The following GLIS3 variants were observed in gnomAD, a reference collection of about 807,000 sequenced individuals.
GLIS3 encodes the protein zinc finger protein GLIS3.
In GLIS3, 53 loss-of-function variants were observed where a neutral mutation model predicts 78.6. The ratio of observed to expected loss-of-function variants is 0.67; its 90% CI spans 0.54 to 0.85. GLIS3 has a LOEUF of 0.85. Ranked by LOEUF, GLIS3 falls within the 40% of genes least tolerant of loss-of-function variation. The pLI is 0.00. For synonymous variants in GLIS3, 684 were observed against 509.9 expected (o/e 1.34, Z -4.60); for missense variants, 1,703 against 1,231.1 (o/e 1.38, Z -5.74).
intron 2 of GLIS3, among the ~76,000 whole-genome samples, chr9:4,238,081 G>T (rs1014230671): frequency 2.0e-5 from 3 of 152,176 alleles, no homozygotes; most frequent in African/African-American, 7.2e-5. Context: ...TTCTATACCA[G>T]TGAGCACAAA....
rs550369483 is a variant in GLIS3, at chr9:3,934,438, C to T, written c.1873-1968G>A. ...TTTTTTTTTTTTTTTGAGATGGAGT[C>T]GCAATCTGTTGTCCAGGCTGGAGTG... On this transcript the variant is annotated intron_variant, in intron 5 of 10. Transcript: ENST00000381971. Among the ~76,000 whole-genome samples, 7 of 142,024 alleles carry T rather than the reference C, an allele frequency of 4.9e-5. No homozygotes were observed. The South Asian group carries it at 8.7e-4, about 18-fold the overall frequency. 93.2% of individuals were successfully genotyped at this position (142,024 alleles called of 152,430 possible).
chr9:4,066,040 A>T (rs1441578497), intron 4 of GLIS3, among the ~76,000 whole-genome samples: 14 of 64,624 alleles, frequency 2.2e-4, no homozygotes, highest in Non-Finnish European at 3.6e-4. Flanking sequence ...CAAAGAATAT[A>T]AAAAAAAAAA....
intron 4 of GLIS3, among the ~76,000 whole-genome samples, chr9:3,994,319 G>A (rs1820571522): frequency 6.6e-6 from 1 of 152,170 alleles, no homozygotes; most frequent in African/African-American, 2.4e-5. Context: ...CCATGGCCTG[G>A]AACGGGCACA....
intron 4 of GLIS3, among the ~76,000 whole-genome samples, chr9:4,102,894 C>A (rs948592815): frequency 6.6e-6 from 1 of 151,694 alleles, no homozygotes; most frequent in Non-Finnish European, 1.5e-5. Flanking sequence ...TCCTTAAGAG[C>A]TTTACATAGA....
At chr9:4,370,025 G>T in the GLIS3 span, among the ~76,000 whole-genome samples, 3 of 151,746 alleles carry the variant, frequency 2.0e-5, no homozygotes, top group East Asian at 5.8e-4. Context: ...AACTCCGTCT[G>T]TACTAAAAAT....
intron 2 of GLIS3, among the ~76,000 whole-genome samples, chr9:4,252,147 G>A (rs1324157671): frequency 6.6e-6 from 1 of 152,064 alleles, no homozygotes; most frequent in African/African-American, 2.4e-5. Flanking sequence ...TTTGAATGTT[G>A]GCCTGTCTTG....
intron 2 of GLIS3, among the ~76,000 whole-genome samples, chr9:4,141,215 G>A (rs1219974949): frequency 2.0e-5 from 3 of 152,204 alleles, no homozygotes; most frequent in Non-Finnish European, 4.4e-5. Flanking sequence ...GAGGGAGACA[G>A]AAGGAGAGAG....
upstream of GLIS3, among the ~76,000 whole-genome samples, chr9:4,302,137 A>G: frequency 6.6e-6 from 1 of 152,170 alleles, no homozygotes; most frequent in South Asian, 2.1e-4. Flanking sequence ...TGAATTGGTC[A>G]GCAGGGGTGA....
At chr9:4,085,815 G>C (rs920227799) in intron 4 of GLIS3, among the ~76,000 whole-genome samples, 1 of 152,158 alleles carries the variant, frequency 6.6e-6, no homozygotes, top group East Asian at 1.9e-4. Flanking sequence ...TGATGTTCAT[G>C]TCGCCTGCTT....
chr9:4,367,669 T>A, the GLIS3 span, among the ~76,000 whole-genome samples: 1 of 146,978 alleles, frequency 6.8e-6, no homozygotes, highest in African/African-American at 2.5e-5. Context: ...GTTCTCTATG[T>A]GAGCAGATAC....
At chr9:4,138,855 T>C (rs1321845171) in intron 2 of GLIS3, among the ~76,000 whole-genome samples, 3 of 152,218 alleles carry the variant, frequency 2.0e-5, no homozygotes, top group Non-Finnish European at 4.4e-5. Context: ...CTTACTAAGA[T>C]GTTATCAGAT....
intron 4 of GLIS3, among the ~76,000 whole-genome samples, chr9:4,085,311 G>T (rs568767976): frequency 6.6e-6 from 1 of 151,628 alleles, no homozygotes; most frequent in African/African-American, 2.4e-5. Context: ...ATTTTCTAAG[G>T]GTTCTTTTTT....
At chr9:4,450,374 G>C in the GLIS3 span, among the ~76,000 whole-genome samples, 1 of 152,132 alleles carries the variant, frequency 6.6e-6, no homozygotes. Flanking sequence ...ACGTTTGATT[G>C]GTGTACCTGA....
At chr9:3,986,042 C>T (rs1011566554) in intron 4 of GLIS3, among the ~76,000 whole-genome samples, 8 of 152,106 alleles carry the variant, frequency 5.3e-5, no homozygotes, top group Admixed American at 1.3e-4. Context: ...GAAGGACTTT[C>T]CTGAAGAAAA....
At chr9:4,482,388 G>T in the GLIS3 span, among the ~76,000 whole-genome samples, 171 of 152,256 alleles carry the variant, frequency 1.1e-3, no homozygotes, top group Non-Finnish European at 1.8e-3. Flanking sequence ...TCAATTTATA[G>T]TTCCAAGATA....
At chr9:4,178,906 G>C (rs1043937414) in intron 2 of GLIS3, among the ~76,000 whole-genome samples, 2 of 152,084 alleles carry the variant, frequency 1.3e-5, no homozygotes, top group Admixed American at 6.5e-5. Context: ...ATTTGAAGAA[G>C]GGGTTTTATT....
chr9:3,876,307 G>A (rs1037036466), intron 8 of GLIS3, among the ~76,000 whole-genome samples: 5 of 83,200 alleles, frequency 6.0e-5, no homozygotes, highest in Non-Finnish European at 1.3e-4. Flanking sequence ...TTAGAGTCAA[G>A]AAGATGAAAA....
At chr9:3,904,248 A>C (rs1011277711) in intron 6 of GLIS3, among the ~76,000 whole-genome samples, 3 of 152,198 alleles carry the variant, frequency 2.0e-5, no homozygotes, top group South Asian at 4.1e-4. Context: ...AGTTGACTTT[A>C]AAAACAGAAG....
rs151104645 is a variant in GLIS3 at position 4,337,098 on chromosome 9, T to G, written n.264+9983A>C. Among the ~76,000 whole-genome samples, 1,116 of 152,352 alleles carry G rather than the reference T, an allele frequency of 7.3e-3. 11 individuals carry two copies. The highest frequency in any genetic ancestry group is 0.025 in the African/African-American group (1,032 of 41,572). On this transcript the variant is annotated intron_variant and non_coding_transcript_variant, in intron 2 of 4. Coordinates refer to the GLIS3 transcript ENST00000471664. ...AAGAAAATACTCAGAGTTGGTAGTG[T>G]CATTGGCTTCTAGTGCACAAACAAA...
Sources: allele counts gnomAD v4.1 joint callset (sites outside exome capture counted in the v4.1 genomes callset), GRCh38; gene constraint gnomAD v4.1.1; transcripts MANE v1.5; gene names NCBI Gene and HGNC (gene_info 2026-07-23, HGNC 2026-07-21).